Variants in PDE4DIP observed in about 807,000 individuals in gnomAD.
PDE4DIP encodes the protein myomegalin.
Under a neutral mutation model 221.4 loss-of-function variants are expected in PDE4DIP, and 59 were observed. That is an observed-to-expected ratio of 0.27 (90% CI 0.22 to 0.33). The LOEUF is 0.33. Among genes scored for constraint, PDE4DIP ranks in the 10% least tolerant of loss-of-function variants. The probability of loss-of-function intolerance (pLI) is 1.00; values close to 1 mark genes in which losing one functional copy is unlikely to be tolerated. For synonymous variants in PDE4DIP, 404 were observed against 815.9 expected, an observed-to-expected ratio of 0.50 and a Z score of 8.60; for missense variants, 1,036 against 2,154.2, an observed-to-expected ratio of 0.48 and a Z score of 10.28.
chr1:148,819,977 G>C (rs1485564581), intron 1 of PDE4DIP, among the ~76,000 whole-genome samples: 1 of 29,904 alleles, frequency 3.3e-5, no homozygotes, highest in Non-Finnish European at 5.5e-5. Context: ...TCCCAGGCTG[G>C]CGTGCAGCGG....
chr1:149,019,354 GAA>G lies in PDE4DIP; in HGVS notation c.5770+696_5770+697del, dbSNP rs587601349. ...TTCACAAATATTTATGAACAGCCAT[GAA>G]AAGACTGAGGGTAGTATCCAAAAGG... is the stretch of plus-strand genomic sequence containing the variant. On this transcript the variant is annotated intron_variant, in intron 35 of 43. Transcript: ENST00000369354. 9 of 139,952 alleles carry G rather than the reference GAA, an allele frequency of 6.4e-5. No homozygotes were observed. The East Asian group carries it at 1.9e-3, about 29-fold the overall frequency. The allele number at this position is 139,952 out of a possible 1,614,324, so 8.7% of individuals were successfully genotyped here. A position where few individuals can be genotyped will look rare whatever the true frequency, so the allele number is the denominator to read the frequency against.
At chr1:149,029,746 G>T in intron 41 of PDE4DIP, 41 bp from the exon 45 acceptor site, 3 of 1,012,622 alleles carry the variant, frequency 3.0e-6, no homozygotes, top group Non-Finnish European at 4.6e-6. Flanking sequence ...GGTGCTTTAG[G>T]CCTTCTGCCT....
At chr1:149,030,118 G>A (rs587775974) in intron 42 of PDE4DIP, 114 bp from the exon 46 acceptor site, 243 of 936,024 alleles carry the variant, frequency 2.6e-4, no homozygotes, top group East Asian at 2.0e-3. Flanking sequence ...GATAGAAGGA[G>A]ACTCCAAGCT....
intron 4 of PDE4DIP, among the ~76,000 whole-genome samples, chr1:148,936,893 T>C (rs587677791): frequency 2.0e-5 from 3 of 152,066 alleles, no homozygotes; most frequent in Non-Finnish European, 4.4e-5. Context: ...ATGATAACAA[T>C]GCCTTCTTCT....
At chr1:148,954,163 TAA>T (rs2054506797) in intron 5 of PDE4DIP, among the ~76,000 whole-genome samples, 1 of 152,214 alleles carries the variant, frequency 6.6e-6, no homozygotes, top group African/African-American at 2.4e-5. Flanking sequence ...AACAAAAAGG[TAA>T]AGATTCCTAC....
intron 17 of PDE4DIP, among the ~76,000 whole-genome samples, chr1:148,975,133 C>T (rs1387403656): frequency 2.0e-5 from 3 of 148,006 alleles, no homozygotes; most frequent in Non-Finnish European, 4.4e-5. Context: ...ATCGTGCCAT[C>T]ACACTCCAGC....
At chr1:148,902,717 CATATATATATATATATATATAT>C in intron 1 of PDE4DIP, among the ~76,000 whole-genome samples, 1 of 66,412 alleles carries the variant, frequency 1.5e-5, no homozygotes, top group Admixed American at 1.6e-4. Context: ...AGTATTCTAT[CATATATATATATATATATATAT>C]ATATCCATCA....
chr1:148,936,764 T>C (rs1189486270), intron 4 of PDE4DIP, among the ~76,000 whole-genome samples: 7 of 152,036 alleles, frequency 4.6e-5, no homozygotes, highest in Non-Finnish European at 7.4e-5. Context: ...GACACAAACA[T>C]ACACACAAGC....
intron 1 of PDE4DIP, among the ~76,000 whole-genome samples, chr1:148,890,878 T>C (rs1246680440): frequency 1.7e-3 from 44 of 25,906 alleles, no homozygotes; most frequent in Admixed American, 4.6e-3. Context: ...ATTATAGGCA[T>C]GAGCCACTTT....
Position 148,965,491 on chromosome 1 carries a change from G to A in PDE4DIP, c.1202G>A (p.Arg401Gln), listed in dbSNP as rs143828311. The stretch of plus-strand genomic sequence containing the variant: ...GTAATATGTTTAATTCAGGAATTGC[G>A]AAAAGCCTTGCAGCAGCTACAAGAA... Residue 401 changes from arginine (R) to glutamine (Q), a missense_variant, in exon 10 of 44, where the codon CGA (arginine) becomes CAA (glutamine). Transcript: ENST00000369354. 6.2e-3 allele frequency: 9,947 copies of A among 1,605,854 alleles called. 30 individuals carry two copies. Among genetic ancestry groups the A allele is most frequent in the Non-Finnish European group, 7.3e-3 (8,531 of 1,175,684 alleles).
At chr1:149,027,128 AT>A (rs2075404088) in intron 39 of PDE4DIP, among the ~76,000 whole-genome samples, 1 of 144,150 alleles carries the variant, frequency 6.9e-6, no homozygotes, top group Non-Finnish European at 1.5e-5. Context: ...GAAACTTATT[AT>A]TTATTATGAT....
At chr1:149,030,338 G>A (rs1295614778) in intron 43 of PDE4DIP, 60 bp downstream of exon 46, 285 of 1,551,108 alleles carry the variant, frequency 1.8e-4, no homozygotes, top group East Asian at 1.7e-3. Flanking sequence ...ATCACCATCC[G>A]TTAGCAGATC....
rs1203956431 is a variant in PDE4DIP, at chr1:148,923,765, G to C, written c.142-5432G>C. 4.8e-5 allele frequency among the ~76,000 whole-genome samples: 7 copies of C among 146,202 alleles called. 1 individual carries two copies. Among genetic ancestry groups the C allele is most frequent in the Admixed American group, 3.4e-4 (5 of 14,808 alleles). ...TGGGATTACAGGCGTGAGCCACCGC[G>C]CCCGAGCTGCGGTTATTTGTATCAG... On this transcript the variant is annotated intron_variant, in intron 1 of 43. Coordinates refer to ENST00000369354, the Ensembl canonical transcript of PDE4DIP.
chr1:148,820,512 G>A (rs1213666738), intron 1 of PDE4DIP, among the ~76,000 whole-genome samples: 1 of 140,424 alleles, frequency 7.1e-6, no homozygotes, highest in African/African-American at 2.7e-5. Flanking sequence ...AGGTTGCAGT[G>A]AGCCAGATCG....
chr1:149,023,765 CATGTATATGTGTGTACATATAT>C (rs2074064418), intron 37 of PDE4DIP, among the ~76,000 whole-genome samples: 1 of 105,804 alleles, frequency 9.5e-6, no homozygotes, highest in African/African-American at 3.6e-5. Flanking sequence ...TATATATGTA[CATGTATATGTGTGTACATATAT>C]ATGTACATGT....
At chr1:148,820,974 C>G (rs1459699757) in intron 1 of PDE4DIP, among the ~76,000 whole-genome samples, 1 of 150,096 alleles carries the variant, frequency 6.7e-6, no homozygotes, top group Non-Finnish European at 1.5e-5. Context: ...GCCTCAGCCT[C>G]CAGAGTAACT....
intron 27 of PDE4DIP, chr1:149,006,522 A>C (rs2067096797): frequency 1.3e-5 from 2 of 152,216 alleles, no homozygotes; most frequent in South Asian, 4.1e-4. Flanking sequence ...AGAAGGCATG[A>C]AAGGTTCTAT....
chr1:148,929,303 T>C lies in PDE4DIP; in HGVS notation c.218+30T>C, dbSNP rs372017191. 528 of 1,573,048 alleles carry C rather than the reference T, an allele frequency of 3.4e-4. 7 individuals are homozygous for C. Among genetic ancestry groups the C allele is most frequent in the East Asian group, 2.6e-3 (114 of 44,330 alleles). On this transcript the variant is annotated intron_variant, in intron 2 of 43. Transcript: ENST00000369354. Reference sequence around the variant, plus strand: ...GTTGTAATTTTAAGCTCTGGTCCTTTCCAGAGTCTGTCTTACTAATCTGAG... The same window carrying C: ...GTTGTAATTTTAAGCTCTGGTCCTTCCCAGAGTCTGTCTTACTAATCTGAG...
At chr1:148,982,497 T>A (rs780280343) in intron 21 of PDE4DIP, 14 of 152,236 alleles carry the variant, frequency 9.2e-5, no homozygotes, top group African/African-American at 2.7e-4. Flanking sequence ...GTTTTAATCA[T>A]TGCCTCAGTG....
Sources: allele counts gnomAD v4.1 joint callset (sites outside exome capture counted in the v4.1 genomes callset), GRCh38; gene constraint gnomAD v4.1.1; transcripts MANE v1.5; gene names NCBI Gene and HGNC (gene_info 2026-07-23, HGNC 2026-07-21).